HMMR: variants seen among roughly 807,000 people sequenced by gnomAD.
The protein encoded by HMMR is intracellular hyaluronic acid-binding protein.
HMMR carries 108 observed loss-of-function variants against 101.0 expected under a neutral mutation model. That is an observed-to-expected ratio of 1.07 (90% CI 0.92 to 1.25). HMMR has a LOEUF of 1.25. Among genes scored for constraint, HMMR ranks in the 50% most tolerant of loss-of-function variants. HMMR has a pLI of 0.00. For synonymous variants in HMMR, 296 were observed against 276.4 expected, an observed-to-expected ratio of 1.07 and a Z score of -0.70; for missense variants, 813 against 788.7, an observed-to-expected ratio of 1.03 and a Z score of -0.37.
chr5:163,491,080 T>C (rs1372706876), intron 17 of HMMR, 32 bp from the exon 18 acceptor site: 4 of 1,369,084 alleles, frequency 2.9e-6, no homozygotes, highest in Non-Finnish European at 4.0e-6. Context: ...TTAATCTAGA[T>C]TACTAATCCT....
chr5:163,488,994 C>A (rs899610991), intron 16 of HMMR, among the ~76,000 whole-genome samples: 2 of 152,154 alleles, frequency 1.3e-5, no homozygotes, highest in Admixed American at 1.3e-4. Flanking sequence ...GCACCAGGGA[C>A]CAGTTTTGTG....
Position 163,491,255 on chromosome 5 carries a change from T to C in HMMR, c.*91T>C, listed in dbSNP as rs1759686823. ...ATTTGACATGGGTATTTTATAATGT[T>C]GTATTTAATTTTAACTGCCAATCCT... On this transcript the variant is annotated 3_prime_UTR_variant, in exon 18 of 18. Coordinates refer to ENST00000393915, the MANE Select transcript of HMMR (RefSeq NM_001142556.2). 7.2e-6 allele frequency: 5 copies of C among 698,694 alleles called. No individual in the cohort carries two copies. Among genetic ancestry groups the C allele is most frequent in the Non-Finnish European group, 1.2e-5 (5 of 419,990 alleles). 43.3% of individuals were successfully genotyped at this position (698,694 alleles called of 1,614,324 possible). A position where few individuals can be genotyped will look rare whatever the true frequency, so the allele number is the denominator to read the frequency against.
chr5:163,468,504 C>T (rs987719614), intron 4 of HMMR, among the ~76,000 whole-genome samples: 2 of 152,172 alleles, frequency 1.3e-5, no homozygotes, highest in African/African-American at 4.8e-5. Context: ...CTCTTTTCCT[C>T]ATGGATATAT....
At chr5:163,463,699 C>G (rs992731467) in intron 1 of HMMR, among the ~76,000 whole-genome samples, 157 bp from the exon 2 acceptor site, 3 of 152,142 alleles carry the variant, frequency 2.0e-5, no homozygotes, top group Non-Finnish European at 4.4e-5. Flanking sequence ...CATAGAGAGG[C>G]CTTCTTTGTA....
chr5:163,490,735 A>G (rs1759665555), intron 17 of HMMR, among the ~76,000 whole-genome samples, 183 bp downstream of exon 17: 1 of 152,140 alleles, frequency 6.6e-6, no homozygotes, highest in Non-Finnish European at 1.5e-5. Context: ...TCTTTTCTGT[A>G]TACCTGGATT....
intron 5 of HMMR, 26 bp from the exon 6 acceptor site, chr5:163,471,159 A>AT (rs747001326): frequency 4.3e-6 from 6 of 1,403,700 alleles, no homozygotes; most frequent in Non-Finnish European, 3.0e-6. Flanking sequence ...ATATTTCTGA[A>AT]TTTTTTACGT....
chr5:163,486,209 T>C (rs1759471639), intron 16 of HMMR, among the ~76,000 whole-genome samples: 1 of 152,242 alleles, frequency 6.6e-6, no homozygotes, highest in Non-Finnish European at 1.5e-5. Context: ...ATTGAATCTG[T>C]AGATCAGTTT....
chr5:163,474,483 A>G (rs527763427), intron 10 of HMMR: 33 of 480,522 alleles, frequency 6.9e-5, no homozygotes, highest in South Asian at 5.3e-4. Flanking sequence ...TATTTAGGCT[A>G]TATAAACATT....
intron 16 of HMMR, among the ~76,000 whole-genome samples, chr5:163,487,868 T>A (rs1247905766): frequency 6.6e-6 from 1 of 152,136 alleles, no homozygotes; most frequent in Non-Finnish European, 1.5e-5. Context: ...TTTTTGGGTT[T>A]TTTTAGAGAC....
Position 163,465,247 on chromosome 5 carries a change from A to G in HMMR, c.225+445A>G, listed in dbSNP as rs1581187192. The G allele has an allele frequency of 1.9e-5, 3 of 160,360 alleles. No homozygotes were observed. In the East Asian group the frequency reaches 5.6e-4, roughly 30 times the overall value. 9.9% of individuals were successfully genotyped at this position (160,360 alleles called of 1,614,324 possible). A position where few individuals can be genotyped will look rare whatever the true frequency, so the allele number is the denominator to read the frequency against. On this transcript the variant is annotated intron_variant, in intron 3 of 17. Transcript: ENST00000393915. ...AGGAGTGGTGAGAGATTAAATTCTT[A>G]ATAGTCTTGTGGCTTGTGCAAGAGC...
rs778906118 is a variant in HMMR at position 163,483,077 on chromosome 5, C to G, written c.1590C>G (p.Ile530Met). ...SALKETEIKEITVSFLQKITD... is the reference protein window; with the variant it reads ...SALKETEIKEMTVSFLQKITD... Reference sequence around the variant, plus strand: ...TAAAGGAAACAGAAATTAAAGAAATCACAGTTTCTTTTCTTCAAAAAATAA... The same window carrying G: ...TAAAGGAAACAGAAATTAAAGAAATGACAGTTTCTTTTCTTCAAAAAATAA... Residue 530 changes from isoleucine (I) to methionine (M), a missense_variant, in exon 14 of 18, where the codon ATC becomes ATG. Physicochemically the swap from Ile to Met is conservative, Grantham distance 10. Transcript: ENST00000393915. The G allele has an allele frequency of 6.2e-7, 1 of 1,610,868 alleles. No homozygotes were observed. The highest frequency in any genetic ancestry group is 8.5e-7 in the Non-Finnish European group (1 of 1,177,648).
intron 16 of HMMR, among the ~76,000 whole-genome samples, chr5:163,485,276 A>G (rs1348673013): frequency 6.6e-6 from 1 of 152,188 alleles, no homozygotes; most frequent in Non-Finnish European, 1.5e-5. Context: ...AAAGTGGCTC[A>G]TACCAATCTA....
intron 13 of HMMR, 89 bp downstream of exon 13, chr5:163,482,877 CA>C: frequency 7.5e-7 from 1 of 1,340,108 alleles, no homozygotes; most frequent in Admixed American, 2.1e-5. Context: ...TGCTTTTGGC[CA>C]TCTTATACTG....
intron 12 of HMMR, among the ~76,000 whole-genome samples, chr5:163,480,251 C>T (rs891632712): frequency 1.8e-4 from 27 of 152,112 alleles, no homozygotes; most frequent in African/African-American, 6.0e-4. Flanking sequence ...TTTTATGACA[C>T]GTATATCCAT....
In HMMR at chr5:163,469,957, C is replaced by T. The variant is rs542864971; in HGVS notation, c.462+128C>T. ...CCAAGGCAGGCGGATCACCTGAGGT[C>T]GGGAGTTCGAGACCAGCCTGACCAA... On this transcript the variant is annotated intron_variant, in intron 5 of 17. Coordinates refer to ENST00000393915, the MANE Select transcript of HMMR (RefSeq NM_001142556.2). 66 of 586,624 alleles carry T rather than the reference C, an allele frequency of 1.1e-4. 2 individuals are homozygous for T. The South Asian group carries it at 1.3e-3, about 11-fold the overall frequency. The allele number at this position is 586,624 out of a possible 1,614,324, so 36.3% of individuals were successfully genotyped here. A position where few individuals can be genotyped will look rare whatever the true frequency, so the allele number is the denominator to read the frequency against.
chr5:163,487,343 A>G (rs1759513625), intron 16 of HMMR, among the ~76,000 whole-genome samples: 1 of 152,044 alleles, frequency 6.6e-6, no homozygotes, highest in African/African-American at 2.4e-5. Context: ...TTTTTCAGCC[A>G]TATTCCTAAG....
chr5:163,490,015 C>G lies in HMMR; in HGVS notation c.1963-375C>G, dbSNP rs999371434. Among the ~76,000 whole-genome samples, 2 of 152,146 alleles carry G rather than the reference C, an allele frequency of 1.3e-5. 1 individual carries two copies. The highest frequency in any genetic ancestry group is 1.3e-4 in the Admixed American group (2 of 15,278). On this transcript the variant is annotated intron_variant, in intron 16 of 17. Coordinates refer to ENST00000393915, the MANE Select transcript of HMMR (RefSeq NM_001142556.2). ...ATGTTTCTTCATTTGCTATTTTTCC[C>G]TTAGGTCAATTTTCAGAGGCTTTAA...
intron 4 of HMMR, among the ~76,000 whole-genome samples, chr5:163,468,946 A>T (rs78387796): frequency 1.3e-5 from 2 of 152,084 alleles, no homozygotes; most frequent in Non-Finnish European, 2.9e-5. Flanking sequence ...AATGCCTAGT[A>T]CATTCTCCTC....
At chr5:163,482,840 A>G in intron 13 of HMMR, 52 bp downstream of exon 13, 1 of 1,528,394 alleles carries the variant, frequency 6.5e-7, no homozygotes, top group Middle Eastern at 1.7e-4. Flanking sequence ...TTAATGTTGA[A>G]AGCCAGCTAG....
Sources: allele counts gnomAD v4.1 joint callset (sites outside exome capture counted in the v4.1 genomes callset), GRCh38; gene constraint gnomAD v4.1.1; transcripts MANE v1.5; gene names NCBI Gene and HGNC (gene_info 2026-07-23, HGNC 2026-07-21).